Variants in MAD2L1 observed in about 807,000 individuals in gnomAD.
The protein encoded by MAD2L1 is mitotic arrest deficient 2 like 1.
In MAD2L1, 10 loss-of-function variants were observed where a neutral mutation model predicts 25.9. The observed-to-expected ratio is 0.39, with a 90% CI of 0.24 to 0.66. The LOEUF (loss-of-function observed/expected upper bound fraction) is 0.66. Ranked by LOEUF, MAD2L1 falls within the 30% of genes least tolerant of loss-of-function variation. The pLI, the probability that MAD2L1 is intolerant of heterozygous loss-of-function variation, is 0.49. For synonymous variants in MAD2L1, 81 were observed against 91.8 expected, an observed-to-expected ratio of 0.88 and a Z score of 0.67; for missense variants, 180 against 246.4, an observed-to-expected ratio of 0.73 and a Z score of 1.80.
intron 4 of MAD2L1, 71 bp downstream of exon 4, chr4:120,060,803 G>T: frequency 2.3e-6 from 2 of 859,092 alleles, no homozygotes; most frequent in Non-Finnish European, 1.8e-6. Flanking sequence ...TTTAATAAAG[G>T]GGTGATTACG....
intron 2 of MAD2L1, among the ~76,000 whole-genome samples, chr4:120,063,194 G>A (rs1339703740): frequency 6.6e-6 from 1 of 152,176 alleles, no homozygotes; most frequent in Admixed American, 6.5e-5. Context: ...AGAGGCTTGG[G>A]ATAGATGTAA....
chr4:120,065,783 T>G lies in MAD2L1; in HGVS notation c.109A>C (p.Ile37Leu). The stretch of plus-strand genomic sequence containing the variant: ...CGAGTAAAGGTTTCAGATGGATATA[T>G]GCCACGCTGATATAAAATGCTGTTG... ...GINSILYQRG[I>L]YPSETFTRVQ... The change falls in exon 2 of 5, where the codon ATA (isoleucine) becomes CTA (leucine). Residue 37 changes from isoleucine to leucine, a missense_variant. Physicochemically the swap from Ile to Leu is conservative, Grantham distance 5. Transcript: ENST00000296509. The G allele has an allele frequency of 6.2e-7, 1 of 1,613,920 alleles. No individual in the cohort carries two copies. Among genetic ancestry groups the G allele is most frequent in the Non-Finnish European group, 8.5e-7 (1 of 1,179,980 alleles).
intron 2 of MAD2L1, among the ~76,000 whole-genome samples, chr4:120,063,574 G>C (rs1726261101): frequency 6.6e-6 from 1 of 152,164 alleles, no homozygotes; most frequent in Non-Finnish European, 1.5e-5. Context: ...AGACTGGGTG[G>C]TAATTTGCTC....
chr4:120,062,154 C>A, intron 2 of MAD2L1, 59 bp from the exon 3 acceptor site: 2 of 1,522,586 alleles, frequency 1.3e-6, no homozygotes, highest in South Asian at 1.3e-5. Context: ...AAGTAGCTCT[C>A]TTCTCGGGTC....
chr4:120,061,499 T>C (rs1726216409), intron 3 of MAD2L1, among the ~76,000 whole-genome samples: 1 of 152,174 alleles, frequency 6.6e-6, no homozygotes, highest in Admixed American at 6.5e-5. Flanking sequence ...TCTCAGTTTA[T>C]AGAAGAGCAT....
intron 2 of MAD2L1, among the ~76,000 whole-genome samples, chr4:120,064,876 T>C (rs1331538757): frequency 1.3e-5 from 2 of 151,876 alleles, no homozygotes; most frequent in Non-Finnish European, 2.9e-5. Context: ...AGAAATAATT[T>C]CTAAATTAAA....
chr4:120,063,949 G>A (rs1307149724), intron 2 of MAD2L1, among the ~76,000 whole-genome samples: 2 of 152,104 alleles, frequency 1.3e-5, no homozygotes, highest in South Asian at 4.2e-4. Context: ...CGGAGATCAC[G>A]CCACTGCACT....
intron 3 of MAD2L1, 35 bp downstream of exon 3, chr4:120,061,938 AAT>A (rs765830373): frequency 3.9e-6 from 6 of 1,539,206 alleles, no homozygotes; most frequent in African/African-American, 1.4e-5. Context: ...TTTGAAAAAA[AAT>A]ATATCAAAGT....
intron 2 of MAD2L1, among the ~76,000 whole-genome samples, chr4:120,064,340 A>G (rs2110509243): frequency 6.6e-6 from 1 of 152,306 alleles, no homozygotes; most frequent in East Asian, 1.9e-4. Context: ...TTGAGAACAG[A>G]GGTCTATTCC....
chr4:120,061,386 A>G (rs549060831), intron 3 of MAD2L1, among the ~76,000 whole-genome samples: 1 of 152,330 alleles, frequency 6.6e-6, no homozygotes, highest in East Asian at 1.9e-4. Flanking sequence ...TATTTTCTCA[A>G]ATAAAACATT....
At position 120,066,736 on chromosome 4, in the gene MAD2L1, G is replaced by T. The variant is rs1200204572; in HGVS notation, c.-2C>A. On this transcript the variant is annotated 5_prime_UTR_variant, in exon 1 of 5. Coordinates refer to ENST00000296509, the MANE Select transcript of MAD2L1 (RefSeq NM_002358.4). ...CTCCCGGGAGAGCTGCAGCGCCATG[G>T]CCAGGGACACAAACAAAAGCACGCG... The T allele has an allele frequency of 6.3e-7, 1 of 1,594,926 alleles. No homozygotes were observed. The highest frequency in any genetic ancestry group is 8.6e-7 in the Non-Finnish European group (1 of 1,166,144).
chr4:120,064,311 G>A (rs750967966), intron 2 of MAD2L1, among the ~76,000 whole-genome samples: 2 of 152,164 alleles, frequency 1.3e-5, no homozygotes, highest in African/African-American at 2.4e-5. Flanking sequence ...ACTCTTATCA[G>A]TGTCTTTCCT....
rs543381501 is a variant in MAD2L1, at chr4:120,057,733, T to C, written c.*2385A>G. The C allele has an allele frequency of 5.2e-5, 8 of 152,404 alleles. No homozygotes were observed. The South Asian group carries it at 1.5e-3, about 28-fold the overall frequency. 9.4% of individuals were successfully genotyped at this position (152,404 alleles called of 1,614,324 possible). A position where few individuals can be genotyped will look rare whatever the true frequency, so the allele number is the denominator to read the frequency against. ...TGATTTAAACATCATCCTCCTGAGG[T>C]AAGCCTCAAGGTCTAGAAAGAGGAT... On this transcript the variant is annotated 3_prime_UTR_variant, in exon 5 of 5. Transcript: ENST00000296509.
At chr4:120,066,624 C>G in intron 1 of MAD2L1, 38 bp downstream of exon 1, 2 of 1,575,072 alleles carry the variant, frequency 1.3e-6, no homozygotes, top group Non-Finnish European at 1.7e-6. Flanking sequence ...CGTCACGACT[C>G]CGTTCCCCCC....
intron 2 of MAD2L1, 65 bp from the exon 3 acceptor site, chr4:120,062,160 G>C: frequency 6.7e-7 from 1 of 1,492,952 alleles, no homozygotes; most frequent in Non-Finnish European, 9.1e-7. Context: ...CTCTCTTCTC[G>C]GGTCCCACTC....
rs1381961251 is a variant in MAD2L1, at chr4:120,056,472, T to C, written c.*3646A>G. ...GGTGGAAAATATAAGAGTTACAAAG[T>C]AGCATTACATAGCTATTCTGATCTT... On this transcript the variant is annotated 3_prime_UTR_variant, in exon 5 of 5. Transcript: ENST00000296509. 1 of 152,178 alleles carries C rather than the reference T, an allele frequency of 6.6e-6. No individual in the cohort carries two copies. Among genetic ancestry groups the C allele is most frequent in the Non-Finnish European group, 1.5e-5 (1 of 68,026 alleles). 9.4% of individuals were successfully genotyped at this position (152,178 alleles called of 1,614,324 possible). A position where few individuals can be genotyped will look rare whatever the true frequency, so the allele number is the denominator to read the frequency against.
In MAD2L1 at chr4:120,066,827, TAAC is replaced by T; in HGVS notation, c.-96_-94del. ...ACTTCCCCGCCAAGCGTTTCAAAAGTAACGACGCAGCACGTCGTCAGGTCCTTT... is the reference window on the plus strand; with the variant it reads ...ACTTCCCCGCCAAGCGTTTCAAAAGTGACGCAGCACGTCGTCAGGTCCTTT... On this transcript the variant is annotated 5_prime_UTR_variant, in exon 1 of 5. Transcript: ENST00000296509. 1 of 937,718 alleles carries T rather than the reference TAAC, an allele frequency of 1.1e-6. No individual in the cohort carries two copies. Among genetic ancestry groups the T allele is most frequent in the Non-Finnish European group, 1.7e-6 (1 of 597,628 alleles). The allele number at this position is 937,718 out of a possible 1,614,324, so 58.1% of individuals were successfully genotyped here. A position where few individuals can be genotyped will look rare whatever the true frequency, so the allele number is the denominator to read the frequency against.
chr4:120,066,388 AC>A (rs1267600208), intron 1 of MAD2L1, among the ~76,000 whole-genome samples: 3 of 151,734 alleles, frequency 2.0e-5, no homozygotes, highest in African/African-American at 7.3e-5. Context: ...ACTGGGGCCC[AC>A]CCCAGTCACA....
chr4:120,062,189 C>T, intron 2 of MAD2L1, 94 bp from the exon 3 acceptor site: 1 of 1,121,976 alleles, frequency 8.9e-7, no homozygotes. Context: ...CAGCAAATTC[C>T]TACCACTGCT....
Sources: gnomAD v4.1 joint callset for allele counts (sites outside exome capture counted in the v4.1 genomes callset) on GRCh38, gnomAD v4.1.1 for gene constraint, MANE v1.5 for transcripts, NCBI Gene and HGNC (gene_info 2026-07-23, HGNC 2026-07-21) for gene names.